TCEA1: variants seen among roughly 807,000 people sequenced by gnomAD.
The protein encoded by TCEA1 is transcription elongation factor A1, also known as transcription elongation factor A protein 1.
A neutral mutation model predicts 43.8 loss-of-function variants in TCEA1; 21 were observed. The observed-to-expected ratio is 0.48, with a 90% confidence interval of 0.34 to 0.69. The LOEUF is 0.69. Among genes scored for constraint, TCEA1 ranks in the 30% least tolerant of loss-of-function variants. TCEA1 has a pLI of 0.01. For missense variants in TCEA1, 250 were observed against 365.1 expected, an observed-to-expected ratio of 0.68 and a Z score of 2.57; for synonymous variants, 104 against 117.5, an observed-to-expected ratio of 0.88 and a Z score of 0.75.
chr8:54,021,020 T>C (rs1805007272), intron 1 of TCEA1, among the ~76,000 whole-genome samples: 1 of 151,776 alleles, frequency 6.6e-6, no homozygotes, highest in Non-Finnish European at 1.5e-5. Context: ...AAACCCCGTT[T>C]CTACTAAAAA....
At chr8:53,977,493 A>G (rs578060222) in intron 8 of TCEA1, among the ~76,000 whole-genome samples, 113 of 152,326 alleles carry the variant, frequency 7.4e-4, no homozygotes, top group African/African-American at 2.6e-3. Flanking sequence ...TTTTAACCAC[A>G]AAAATAACTA....
At chr8:53,975,850 TTAAAAA>T (rs1188962956) in intron 8 of TCEA1, among the ~76,000 whole-genome samples, 3 of 152,186 alleles carry the variant, frequency 2.0e-5, no homozygotes, top group African/African-American at 7.2e-5. Flanking sequence ...AACAGTACAC[TTAAAAA>T]TAACTGGTTA....
At chr8:54,010,043 GA>G (rs1159554987) in intron 2 of TCEA1, 21 of 183,960 alleles carry the variant, frequency 1.1e-4, no homozygotes, top group Non-Finnish European at 1.6e-4. Context: ...AAAAAAAAAA[GA>G]AAAAAAAAGG....
chr8:53,980,134 G>A (rs1803458368), intron 7 of TCEA1, among the ~76,000 whole-genome samples: 1 of 152,136 alleles, frequency 6.6e-6, no homozygotes, highest in South Asian at 2.1e-4. Context: ...ATTACACTAT[G>A]AACAATGTAA....
At chr8:53,986,321 T>C (rs768723605) in intron 6 of TCEA1, among the ~76,000 whole-genome samples, 6 of 152,194 alleles carry the variant, frequency 3.9e-5, no homozygotes, top group African/African-American at 7.2e-5. Context: ...GTGATGAACA[T>C]ATAGGACAAA....
chr8:54,010,755 T>C (rs1229483230), intron 1 of TCEA1, among the ~76,000 whole-genome samples: 1 of 152,220 alleles, frequency 6.6e-6, no homozygotes, highest in Non-Finnish European at 1.5e-5. Flanking sequence ...ATAAATCATT[T>C]CTTTGTATAC....
chr8:53,981,140 G>A (rs901667172), intron 7 of TCEA1, among the ~76,000 whole-genome samples: 2 of 152,182 alleles, frequency 1.3e-5, no homozygotes, highest in African/African-American at 4.8e-5. Context: ...TGAGGTTTAA[G>A]GAAAGAAGCT....
chr8:54,014,263 T>C (rs976833813), intron 1 of TCEA1, among the ~76,000 whole-genome samples: 2 of 152,078 alleles, frequency 1.3e-5, no homozygotes, highest in Admixed American at 1.3e-4. Context: ...ATGACTAGTA[T>C]CACCAAACAA....
intron 5 of TCEA1, among the ~76,000 whole-genome samples, chr8:53,987,795 T>C (rs1253125623): frequency 6.6e-6 from 1 of 152,162 alleles, no homozygotes; most frequent in Non-Finnish European, 1.5e-5. Flanking sequence ...AAGATCAGGG[T>C]ATGTAGTTTG....
chr8:53,986,217 T>G (rs968352367), intron 6 of TCEA1, among the ~76,000 whole-genome samples: 2 of 152,208 alleles, frequency 1.3e-5, no homozygotes, highest in African/African-American at 4.8e-5. Context: ...AATTTATCCA[T>G]TTTACCTTCT....
chr8:53,986,485 T>A (rs1189147946), intron 6 of TCEA1, among the ~76,000 whole-genome samples: 1 of 152,216 alleles, frequency 6.6e-6, no homozygotes, highest in Non-Finnish European at 1.5e-5. Context: ...GAAAGCGAAA[T>A]TCTTTAGGTT....
chr8:54,005,232 T>C (rs551480761), intron 2 of TCEA1, among the ~76,000 whole-genome samples: 2 of 152,352 alleles, frequency 1.3e-5, no homozygotes, highest in Non-Finnish European at 1.5e-5. Context: ...GCTGTTTACA[T>C]ATATGGCTAT....
intron 2 of TCEA1, among the ~76,000 whole-genome samples, chr8:54,005,597 C>T (rs1402080999): frequency 1.3e-5 from 2 of 150,268 alleles, no homozygotes; most frequent in East Asian, 1.9e-4. Context: ...GTTGCCATGG[C>T]AAAAATCTCA....
At chr8:54,007,071 A>T (rs1804490852) in intron 2 of TCEA1, among the ~76,000 whole-genome samples, 1 of 152,062 alleles carries the variant, frequency 6.6e-6, no homozygotes, top group Admixed American at 6.5e-5. Context: ...CAAACTCCTG[A>T]GCTCAAGTGA....
At chr8:54,003,177 G>T (rs1804326178) in intron 2 of TCEA1, 1 of 399,964 alleles carries the variant, frequency 2.5e-6, no homozygotes, top group Admixed American at 3.2e-5. Context: ...ATATATAAAA[G>T]AAACACACAG....
intron 4 of TCEA1, among the ~76,000 whole-genome samples, chr8:53,990,729 A>G (rs1383573209): frequency 6.6e-6 from 1 of 152,196 alleles, no homozygotes; most frequent in Non-Finnish European, 1.5e-5. Flanking sequence ...CAAATGCTCC[A>G]CAGGAACCAA....
At chr8:54,010,292 CA>C in intron 2 of TCEA1, 137 bp downstream of exon 2, 1 of 657,028 alleles carries the variant, frequency 1.5e-6, no homozygotes, top group African/African-American at 1.9e-5. Context: ...TTTATATTGC[CA>C]TCTTTAAAAA....
chr8:53,985,244 T>C (rs1803651270), intron 6 of TCEA1, among the ~76,000 whole-genome samples: 1 of 152,192 alleles, frequency 6.6e-6, no homozygotes, highest in African/African-American at 2.4e-5. Context: ...CTCAAACTCC[T>C]GACCTCAGGT....
chr8:54,012,639 G>A (rs1804688181), intron 1 of TCEA1, among the ~76,000 whole-genome samples: 1 of 152,162 alleles, frequency 6.6e-6, no homozygotes, highest in Admixed American at 6.5e-5. Context: ...GGGGTATTAT[G>A]TAATATATGA....
Sources: gnomAD v4.1 joint callset for allele counts (sites outside exome capture counted in the v4.1 genomes callset) on GRCh38, gnomAD v4.1.1 for gene constraint, MANE v1.5 for transcripts, NCBI Gene and HGNC (gene_info 2026-07-23, HGNC 2026-07-21) for gene names.